FMN1: variants seen among roughly 807,000 people sequenced by gnomAD.
FMN1 encodes formin 1, also known as formin-1.
A neutral mutation model predicts 132.4 loss-of-function variants in FMN1; 110 were observed. The ratio of observed to expected loss-of-function variants is 0.83; its 90% CI spans 0.71 to 0.97. The LOEUF (loss-of-function observed/expected upper bound fraction) is 0.97, where lower values mean the gene tolerates loss of function less well. Among genes scored for constraint, FMN1 ranks in the 50% least tolerant of loss-of-function variants. The pLI, the probability that FMN1 is intolerant of heterozygous loss-of-function variation, is 0.00. For synonymous variants in FMN1, 722 were observed against 651.7 expected (o/e 1.11, Z -1.64); for missense variants, 1,792 against 1,705.3 (o/e 1.05, Z -0.90).
rs1167756318 is a variant in FMN1 at position 32,766,575 on chromosome 15, A to G, written c.*7735T>C. The G allele has an allele frequency of 7.2e-6, 1 of 138,236 alleles. No individual in the cohort carries two copies. Among genetic ancestry groups the G allele is most frequent in the Non-Finnish European group, 1.5e-5 (1 of 64,734 alleles). The allele number at this position is 138,236 out of a possible 1,614,324, so 8.6% of individuals were successfully genotyped here. ...AATCTTCTTAAAATAAAATAAAAAG[A>G]GACGTATTTTCCATCTCTTTTATGG... On this transcript the variant is annotated 3_prime_UTR_variant, in exon 21 of 21. Coordinates refer to ENST00000616417, the MANE Select transcript of FMN1 (RefSeq NM_001277313.2).
At chr15:33,043,926 A>G (rs948321193) in intron 6 of FMN1, among the ~76,000 whole-genome samples, 7 of 152,148 alleles carry the variant, frequency 4.6e-5, no homozygotes, top group African/African-American at 1.7e-4. Context: ...ATGGCTGTGG[A>G]CCTGGGCATC....
intron 16 of FMN1, among the ~76,000 whole-genome samples, chr15:32,873,879 G>T (rs183806568): frequency 6.6e-6 from 1 of 152,068 alleles, no homozygotes; most frequent in African/African-American, 2.4e-5. Context: ...CTGTCTTTGG[G>T]ATGAGTCAGG....
chr15:33,138,867 A>G (rs1465606735), intron 4 of FMN1, among the ~76,000 whole-genome samples: 1 of 152,050 alleles, frequency 6.6e-6, no homozygotes, highest in African/African-American at 2.4e-5. Flanking sequence ...GCCCTTCACT[A>G]TCTCTGACCT....
chr15:33,105,974 G>C (rs956265291), intron 4 of FMN1: 3 of 152,010 alleles, frequency 2.0e-5, no homozygotes, highest in Admixed American at 6.6e-5. Context: ...AGCATGAAGG[G>C]GTGAAAGCTG....
At chr15:33,024,387 C>T (rs1415252248) in intron 6 of FMN1, among the ~76,000 whole-genome samples, 2 of 151,942 alleles carry the variant, frequency 1.3e-5, no homozygotes, top group African/African-American at 2.4e-5. Context: ...GCCAGGACTA[C>T]AGGCGTCCGC....
At chr15:33,175,285 G>A (rs1474265011) in intron 3 of FMN1, among the ~76,000 whole-genome samples, 1 of 152,000 alleles carries the variant, frequency 6.6e-6, no homozygotes, top group Admixed American at 6.6e-5. Context: ...CCCAGGCTGG[G>A]GTCAAATTCC....
chr15:32,995,915 A>G (rs757566764), intron 7 of FMN1, among the ~76,000 whole-genome samples: 11 of 152,236 alleles, frequency 7.2e-5, no homozygotes, highest in Non-Finnish European at 1.3e-4. Context: ...TCATACTTTT[A>G]TAACATATGA....
chr15:33,140,886 T>A (rs1963983032), intron 4 of FMN1, among the ~76,000 whole-genome samples: 1 of 152,236 alleles, frequency 6.6e-6, no homozygotes, highest in African/African-American at 2.4e-5. Context: ...GATCTTATTT[T>A]AATTGTCATA....
intron 5 of FMN1, among the ~76,000 whole-genome samples, chr15:33,079,562 G>A (rs2038366383): frequency 6.6e-6 from 1 of 152,240 alleles, no homozygotes; most frequent in Admixed American, 6.5e-5. Context: ...GGCAGAGGTT[G>A]GAGTGAGCTG....
intron 6 of FMN1, among the ~76,000 whole-genome samples, chr15:33,042,373 C>A (rs1444154579): frequency 6.6e-6 from 1 of 152,104 alleles, no homozygotes; most frequent in African/African-American, 2.4e-5. Flanking sequence ...CATTTCATAG[C>A]TCTTGAGAAA....
intron 15 of FMN1, 113 bp from the exon 16 acceptor site, chr15:32,888,405 G>T: frequency 1.1e-6 from 1 of 933,708 alleles, no homozygotes; most frequent in Non-Finnish European, 1.6e-6. Flanking sequence ...GTCTGAGTAA[G>T]AATCATAGCA....
intron 5 of FMN1, among the ~76,000 whole-genome samples, chr15:33,071,899 T>C (rs939802109): frequency 6.6e-6 from 1 of 152,210 alleles, no homozygotes; most frequent in Non-Finnish European, 1.5e-5. Context: ...TAATCACTTC[T>C]CTTGGACATT....
chr15:33,149,795 T>C, intron 4 of FMN1: 2 of 984,816 alleles, frequency 2.0e-6, no homozygotes, highest in Non-Finnish European at 2.4e-6. Context: ...TTCTTTACAA[T>C]TTTATTGGAA....
At position 33,143,786 on chromosome 15, in the gene FMN1, T is replaced by C. The variant is rs529725686; in HGVS notation, c.1867+9262A>G. Among the ~76,000 whole-genome samples the C allele has an allele frequency of 2.0e-5, 3 of 152,342 alleles. No homozygotes were observed. In the East Asian group the frequency reaches 5.8e-4, roughly 29 times the overall value. ...ATCATAATTTTCTTAAAAGAATCAG[T>C]ACCTATTAATTTACTGTTTATGAAA... On this transcript the variant is annotated intron_variant, in intron 4 of 20. Transcript: ENST00000616417.
At chr15:32,856,407 T>C (rs1306465173) in intron 17 of FMN1, among the ~76,000 whole-genome samples, 1 of 152,196 alleles carries the variant, frequency 6.6e-6, no homozygotes, top group Non-Finnish European at 1.5e-5. Flanking sequence ...TCCCTACTCA[T>C]GCCAAAACTG....
intron 5 of FMN1, among the ~76,000 whole-genome samples, chr15:33,086,238 A>T (rs2038686561): frequency 6.6e-6 from 1 of 151,254 alleles, no homozygotes; most frequent in Non-Finnish European, 1.5e-5. Flanking sequence ...GCGACAGAGC[A>T]AGACTCCATC....
In FMN1 at chr15:32,873,179, G is replaced by A. The variant is rs999003102; in HGVS notation, c.3835+14993C>T. Reference sequence around the variant, plus strand: ...CTCACTTAATGCCTGTTAAGCAATCGTCTTTTAAAACTCCACAGACACTTG... The same window carrying A: ...CTCACTTAATGCCTGTTAAGCAATCATCTTTTAAAACTCCACAGACACTTG... On this transcript the variant is annotated intron_variant, in intron 16 of 20. Coordinates refer to ENST00000616417, the MANE Select transcript of FMN1 (RefSeq NM_001277313.2). 3.9e-5 allele frequency among the ~76,000 whole-genome samples: 6 copies of A among 152,154 alleles called. No homozygotes were observed. The South Asian group carries it at 1.2e-3, about 32-fold the overall frequency.
chr15:32,909,477 G>A lies in FMN1; in HGVS notation c.3289-899C>T, dbSNP rs2060505853. 2.0e-5 allele frequency among the ~76,000 whole-genome samples: 3 copies of A among 152,336 alleles called. No individual in the cohort carries two copies. In the South Asian group the frequency reaches 6.2e-4, roughly 32 times the overall value. ...CTAAGTAGCTCCTGATACATATAAA[G>A]ATGTGAAAATGAGCAAGGAATTGGT... On this transcript the variant is annotated intron_variant, in intron 11 of 20. Coordinates refer to ENST00000616417, the MANE Select transcript of FMN1 (RefSeq NM_001277313.2).
intron 4 of FMN1, among the ~76,000 whole-genome samples, chr15:33,114,762 A>C (rs1025389057): frequency 1.4e-4 from 22 of 152,212 alleles, no homozygotes; most frequent in Non-Finnish European, 2.5e-4. Context: ...CAAATGCCCC[A>C]AAACAACTAC....
Sources: gnomAD v4.1 joint callset for allele counts (sites outside exome capture counted in the v4.1 genomes callset) on GRCh38, gnomAD v4.1.1 for gene constraint, MANE v1.5 for transcripts, NCBI Gene and HGNC (gene_info 2026-07-23, HGNC 2026-07-21) for gene names.